Variants in CDKL5 observed in about 807,000 individuals in gnomAD.
CDKL5 encodes cyclin dependent kinase like 5.
In CDKL5, 8 loss-of-function variants were observed where a neutral mutation model predicts 61.7. That is an observed-to-expected ratio of 0.13 (90% CI 0.08 to 0.23). The LOEUF is 0.23. Ranked by LOEUF, CDKL5 falls within the 10% of genes least tolerant of loss-of-function variation. The probability of loss-of-function intolerance (pLI) is 1.00; values close to 1 mark genes in which losing one functional copy is unlikely to be tolerated. For synonymous variants in CDKL5, 275 were observed against 272.3 expected (o/e 1.01, Z -0.10); for missense variants, 440 against 734.5 (o/e 0.60, Z 4.63).
intron 4 of CDKL5, among the ~76,000 whole-genome samples, chrX:18,568,564 C>T (rs983426338): frequency 1.4e-4 from 16 of 112,348 alleles, no homozygotes; most frequent in African/African-American, 4.8e-4. Flanking sequence ...ACAGTTTTTA[C>T]AGTAAAATTG....
intron 1 of CDKL5, among the ~76,000 whole-genome samples, chrX:18,500,126 C>A (rs1433879076): frequency 9.0e-6 from 1 of 111,512 alleles, no homozygotes; most frequent in Non-Finnish European, 1.9e-5. Flanking sequence ...GGTGATTTAT[C>A]AAACTTTCTC....
At chrX:18,541,226 G>A (rs748443476) in intron 3 of CDKL5, among the ~76,000 whole-genome samples, 239 of 111,676 alleles carry the variant, frequency 2.1e-3, no homozygotes, top group Non-Finnish European at 3.5e-3. Context: ...GCTAAATTTG[G>A]AACTTTTCCG....
chrX:18,647,500 A>C (rs1027491107), intron 20 of CDKL5: 13 of 491,392 alleles, frequency 2.6e-5, no homozygotes, highest in Admixed American at 1.8e-4. Context: ...ACGGTTCACT[A>C]CTCACGCAAG....
chrX:18,466,658 C>A (rs1920963719), intron 1 of CDKL5, among the ~76,000 whole-genome samples: 1 of 111,092 alleles, frequency 9.0e-6, no homozygotes, highest in Admixed American at 9.6e-5. Context: ...CTACAGGCAC[C>A]CGCCACCACG....
intron 1 of CDKL5, among the ~76,000 whole-genome samples, chrX:18,429,484 A>G (rs769524511): frequency 8.9e-6 from 1 of 112,056 alleles, no homozygotes; most frequent in East Asian, 2.8e-4. Context: ...TACCTCCTGT[A>G]TACATGTCAA....
intron 3 of CDKL5, among the ~76,000 whole-genome samples, chrX:18,550,533 G>A (rs1924350221): frequency 8.9e-6 from 1 of 112,321 alleles, no homozygotes; most frequent in South Asian, 3.6e-4. Context: ...CTTGGCACGG[G>A]TTAAATTTAG....
rs1266795555 is a variant in CDKL5 at position 18,632,113 on chromosome X, A to T, written c.*3356A>T. On this transcript the variant is annotated 3_prime_UTR_variant, in exon 18 of 18. Transcript: ENST00000623535. ...AGGTTGAGAAACCCTGCCCTACACC[A>T]TCCCAAGCCCACCAGTCTGCAGAGC... 1.3e-6 allele frequency: 1 copy of T among 751,744 alleles called. No homozygotes were observed. The highest frequency in any genetic ancestry group is 1.6e-6 in the Non-Finnish European group (1 of 638,300). 62.0% of individuals were successfully genotyped at this position (751,744 alleles called of 1,213,427 possible).
intron 1 of CDKL5, among the ~76,000 whole-genome samples, chrX:18,449,004 G>A (rs1336460134): frequency 1.3e-4 from 14 of 111,304 alleles, no homozygotes; most frequent in African/African-American, 4.6e-4. Context: ...ACAGGCGCCC[G>A]CCACCATGAC....
At chrX:18,460,804 C>G (rs776210880) in intron 1 of CDKL5, among the ~76,000 whole-genome samples, 1 of 112,072 alleles carries the variant, frequency 8.9e-6, no homozygotes, top group Non-Finnish European at 1.9e-5. Flanking sequence ...CCTGGCTTAT[C>G]TAGGTTTTTA....
intron 3 of CDKL5, among the ~76,000 whole-genome samples, chrX:18,555,099 G>A (rs1262861283): frequency 1.8e-5 from 2 of 111,342 alleles, no homozygotes; most frequent in Non-Finnish European, 3.8e-5. Flanking sequence ...CTCGAGCAGA[G>A]TTTCTTACCC....
At chrX:18,456,021 G>A (rs1932131654) in intron 1 of CDKL5, among the ~76,000 whole-genome samples, 2 of 110,657 alleles carry the variant, frequency 1.8e-5, no homozygotes, top group Admixed American at 9.7e-5. Flanking sequence ...TTAAGTAGAT[G>A]TCACAACCCA....
At position 18,634,219 on chromosome X, in the gene CDKL5, C is replaced by T. The variant is rs2147182893; in HGVS notation, c.*5462C>T. 1 of 752,995 alleles carries T rather than the reference C, an allele frequency of 1.3e-6. No individual in the cohort carries two copies. Among genetic ancestry groups the T allele is most frequent in the Non-Finnish European group, 1.6e-6 (1 of 638,338 alleles). The allele number at this position is 752,995 out of a possible 1,213,427, so 62.1% of individuals were successfully genotyped here. ...CAGGGAGAAAGAGGCCTTATCTGTTCCTCCATCCCCCCTGTTTTGACAGAC... is the reference window on the plus strand; with the variant it reads ...CAGGGAGAAAGAGGCCTTATCTGTTTCTCCATCCCCCCTGTTTTGACAGAC... On this transcript the variant is annotated 3_prime_UTR_variant, in exon 18 of 18. Coordinates refer to ENST00000623535, the MANE Select transcript of CDKL5 (RefSeq NM_001323289.2).
chrX:18,497,562 A>G (rs1569195963), intron 1 of CDKL5, among the ~76,000 whole-genome samples: 1 of 112,238 alleles, frequency 8.9e-6, no homozygotes, highest in African/African-American at 3.2e-5. Flanking sequence ...TTTTAATACC[A>G]TATAAATGAC....
chrX:18,427,455 A>G, intron 1 of CDKL5, among the ~76,000 whole-genome samples: 1 of 109,807 alleles, frequency 9.1e-6, no homozygotes, highest in Non-Finnish European at 1.9e-5. Flanking sequence ...GTTTGGCTCT[A>G]TTAAATAATA....
At chrX:18,561,734 GT>G (rs1337878844) in intron 3 of CDKL5, among the ~76,000 whole-genome samples, 32 of 110,501 alleles carry the variant, frequency 2.9e-4, no homozygotes, top group Non-Finnish European at 1.3e-4. Flanking sequence ...CTGGTAAAGG[GT>G]ATTGGGAAAA....
downstream of CDKL5, among the ~76,000 whole-genome samples, chrX:18,643,939 A>G (rs1351555998): frequency 9.0e-6 from 1 of 111,281 alleles, no homozygotes. Context: ...CCAAAGGTTT[A>G]AGTTCGTCTG....
chrX:18,431,520 C>T (rs1931489191), intron 1 of CDKL5, among the ~76,000 whole-genome samples: 1 of 106,464 alleles, frequency 9.4e-6, no homozygotes, highest in African/African-American at 3.4e-5. Flanking sequence ...CTCCCGGGTT[C>T]ACGCCATTCT....
chrX:18,455,977 C>A (rs1932130685), intron 1 of CDKL5, among the ~76,000 whole-genome samples: 1 of 111,785 alleles, frequency 8.9e-6, no homozygotes. Flanking sequence ...CAGTTGATAC[C>A]CAACAAACTG....
chrX:18,507,644 T>C (rs780841819), intron 2 of CDKL5, among the ~76,000 whole-genome samples: 5 of 110,663 alleles, frequency 4.5e-5, no homozygotes, highest in African/African-American at 1.6e-4. Context: ...TGATCTCGGC[T>C]CACTGCAGCC....
Sources: gnomAD v4.1 joint callset for allele counts (sites outside exome capture counted in the v4.1 genomes callset) on GRCh38, gnomAD v4.1.1 for gene constraint, MANE v1.5 for transcripts, NCBI Gene and HGNC (gene_info 2026-07-23, HGNC 2026-07-21) for gene names.